Variants in PRKCE observed in about 807,000 individuals in gnomAD.
PRKCE encodes the protein protein kinase C epsilon.
Under a neutral mutation model 85.4 loss-of-function variants are expected in PRKCE, and 16 were observed. The ratio of observed to expected loss-of-function variants is 0.19; its 90% CI spans 0.13 to 0.28. The LOEUF (loss-of-function observed/expected upper bound fraction) is 0.28. PRKCE is among the 10% of genes least tolerant of loss of function. The pLI is 1.00. For missense variants in PRKCE, 573 were observed against 975.2 expected (o/e 0.59, Z 5.49); for synonymous variants, 388 against 371.5 (o/e 1.04, Z -0.51).
At chr2:45,917,427 T>A (rs4952793) in intron 2 of PRKCE, among the ~76,000 whole-genome samples, 2 of 151,388 alleles carry the variant, frequency 1.3e-5, no homozygotes, top group African/African-American at 4.8e-5. Flanking sequence ...CCCACCAGAG[T>A]AGCTAGATAC....
At chr2:46,162,538 G>C (rs1371165923) in intron 14 of PRKCE, among the ~76,000 whole-genome samples, 1 of 152,164 alleles carries the variant, frequency 6.6e-6, no homozygotes, top group Admixed American at 6.5e-5. Context: ...GCTCAGTGCT[G>C]TGGAGGGGGG....
chr2:45,856,393 G>T (rs1332506551), intron 2 of PRKCE, among the ~76,000 whole-genome samples: 4 of 152,074 alleles, frequency 2.6e-5, no homozygotes. Context: ...ACCACACCCG[G>T]TTAACTTTTA....
intron 1 of PRKCE, among the ~76,000 whole-genome samples, chr2:45,811,558 T>A (rs557203018): frequency 1.3e-5 from 2 of 152,378 alleles, no homozygotes; most frequent in East Asian, 3.9e-4. Flanking sequence ...TTATTCTTTT[T>A]GAATTTGTAC....
chr2:45,885,536 C>A (rs1213106354), intron 2 of PRKCE, among the ~76,000 whole-genome samples: 8 of 152,180 alleles, frequency 5.3e-5, no homozygotes, highest in Admixed American at 4.6e-4. Flanking sequence ...AAGCCTGGAC[C>A]ACTTCATTTA....
At chr2:46,024,623 A>C (rs1392578447) in intron 10 of PRKCE, among the ~76,000 whole-genome samples, 1 of 152,160 alleles carries the variant, frequency 6.6e-6, no homozygotes, top group Admixed American at 6.5e-5. Flanking sequence ...GTGCTAACAG[A>C]TTTGGGCCTG....
At chr2:46,029,406 G>A (rs1449150001) in intron 10 of PRKCE, among the ~76,000 whole-genome samples, 1 of 152,152 alleles carries the variant, frequency 6.6e-6, no homozygotes, top group East Asian at 1.9e-4. Flanking sequence ...TTATGGATAA[G>A]CACATTGAGG....
Position 45,802,722 on chromosome 2 carries a change from A to G in PRKCE, c.349-40278A>G, listed in dbSNP as rs191801194. ...GATCTCTGAAAGCAGAAAGGCTGGA[A>G]TACACATGAGCTTTTCTTTTGTTCT... On this transcript the variant is annotated intron_variant, in intron 1 of 14. Coordinates refer to ENST00000306156, the MANE Select transcript of PRKCE (RefSeq NM_005400.3). Among the ~76,000 whole-genome samples, 5 of 152,364 alleles carry G rather than the reference A, an allele frequency of 3.3e-5. No individual in the cohort carries two copies. The East Asian group carries it at 9.6e-4, about 29-fold the overall frequency.
Position 45,989,876 on chromosome 2 carries a change from TA to T in PRKCE, c.823+5201del, listed in dbSNP as rs543538416. On this transcript the variant is annotated intron_variant, in intron 6 of 14. Transcript: ENST00000306156. ...AGCAAGACTGAAGTTAGATATATAT[TA>T]AAAATATTAAAGGCTTTCTTTATAT... is the stretch of plus-strand genomic sequence containing the variant. Among the ~76,000 whole-genome samples, 389 of 152,288 alleles carry T rather than the reference TA, an allele frequency of 2.6e-3. 1 individual carries two copies. The highest frequency in any genetic ancestry group is 3.7e-3 in the Non-Finnish European group (253 of 68,028).
chr2:46,015,990 C>T (rs1706110760), intron 10 of PRKCE, among the ~76,000 whole-genome samples: 1 of 152,170 alleles, frequency 6.6e-6, no homozygotes, highest in African/African-American at 2.4e-5. Flanking sequence ...TAACAGATTA[C>T]AAGCAGAGAT....
chr2:45,917,546 T>C (rs1236192115), intron 2 of PRKCE, among the ~76,000 whole-genome samples: 1 of 151,478 alleles, frequency 6.6e-6, no homozygotes, highest in Non-Finnish European at 1.5e-5. Flanking sequence ...TATTTACAAT[T>C]CCTGAGCTAG....
chr2:45,778,287 G>T (rs558389665), intron 1 of PRKCE, among the ~76,000 whole-genome samples: 66 of 152,302 alleles, frequency 4.3e-4, no homozygotes, highest in Non-Finnish European at 8.2e-4. Context: ...GCTTTGGGAA[G>T]TTGGAATCCA....
chr2:45,867,366 G>A (rs948965575), intron 2 of PRKCE, among the ~76,000 whole-genome samples: 1 of 152,196 alleles, frequency 6.6e-6, no homozygotes, highest in Non-Finnish European at 1.5e-5. Context: ...AACTTTTAAA[G>A]TATAAGTATA....
chr2:45,896,142 T>G lies in PRKCE; in HGVS notation c.412+53079T>G, dbSNP rs539345724. 6.6e-5 allele frequency among the ~76,000 whole-genome samples: 10 copies of G among 152,322 alleles called. No individual in the cohort carries two copies. The South Asian group carries it at 2.1e-3, about 32-fold the overall frequency. ...CCTTGTCCGAGTCAGTTAACCTCGC[T>G]CTTTGTAGGTTGATTAAATGGTCAG... On this transcript the variant is annotated intron_variant, in intron 2 of 14. Transcript: ENST00000306156.
intron 1 of PRKCE, among the ~76,000 whole-genome samples, chr2:45,833,957 A>G (rs1690643717): frequency 6.6e-6 from 1 of 152,244 alleles, no homozygotes; most frequent in Non-Finnish European, 1.5e-5. Context: ...GTACCCTTAC[A>G]CACTCTCCAC....
At chr2:45,959,732 G>T (rs1034241841) in intron 2 of PRKCE, among the ~76,000 whole-genome samples, 1 of 152,092 alleles carries the variant, frequency 6.6e-6, no homozygotes, top group African/African-American at 2.4e-5. Context: ...ATTTGCTCCG[G>T]AATCATCTAA....
intron 1 of PRKCE, among the ~76,000 whole-genome samples, chr2:45,670,624 T>TACC (rs1366688237): frequency 1.3e-5 from 2 of 152,172 alleles, no homozygotes; most frequent in African/African-American, 4.8e-5. Context: ...TTTTAATGAG[T>TACC]ACCAGTAACA....
rs1674052995 is a variant in PRKCE at position 46,128,170 on chromosome 2, T to C, written c.1593-16923T>C. Among the ~76,000 whole-genome samples the C allele has an allele frequency of 2.6e-5, 4 of 152,378 alleles. No homozygotes were observed. The South Asian group carries it at 8.3e-4, about 32-fold the overall frequency. ...CTGGTTCCCCCTCTAGTTTTTGTTA[T>C]TGTCATTTGCCATTGTGTTGTTCCC... On this transcript the variant is annotated intron_variant, in intron 11 of 14. Transcript: ENST00000306156.
intron 10 of PRKCE, among the ~76,000 whole-genome samples, chr2:46,017,143 C>A (rs1248865648): frequency 6.6e-6 from 1 of 151,928 alleles, no homozygotes. Flanking sequence ...CCATCCATCA[C>A]CCCTCTCCAT....
intron 11 of PRKCE, among the ~76,000 whole-genome samples, chr2:46,119,072 C>T (rs545728698): frequency 6.6e-6 from 1 of 152,232 alleles, no homozygotes; most frequent in South Asian, 2.1e-4. Flanking sequence ...ACCATGGAGT[C>T]AACACGATAA....
Sources: gnomAD v4.1 joint callset for allele counts (sites outside exome capture counted in the v4.1 genomes callset) on GRCh38, gnomAD v4.1.1 for gene constraint, MANE v1.5 for transcripts, NCBI Gene and HGNC (gene_info 2026-07-23, HGNC 2026-07-21) for gene names.